Variants in REEP1 observed in about 807,000 individuals in gnomAD.
REEP1 encodes receptor expression-enhancing protein 1.
A neutral mutation model predicts 40.3 loss-of-function variants in REEP1; 22 were observed. The ratio of observed to expected loss-of-function variants is 0.55; its 90% CI spans 0.39 to 0.78. The LOEUF (loss-of-function observed/expected upper bound fraction) is 0.78, where lower values mean the gene tolerates loss of function less well. REEP1 is among the 30% of genes least tolerant of loss of function. The pLI, the probability that REEP1 is intolerant of heterozygous loss-of-function variation, is 0.00. For synonymous variants in REEP1, 116 were observed against 139.2 expected (o/e 0.83, Z 1.17); for missense variants, 280 against 361.1 (o/e 0.78, Z 1.82).
rs139511797 is a variant in REEP1, at chr2:86,217,778, G to A, written c.784-668C>T. On this transcript the variant is annotated intron_variant, in intron 8 of 8. Transcript: ENST00000538924. ...GCTCCTATGAGCATGACCTTTGTGC[G>A]TCTTGTCCACACTCAAAGAATTTCA... 3.5e-3 allele frequency among the ~76,000 whole-genome samples: 521 copies of A among 149,142 alleles called. 12 individuals carry two copies. In the East Asian group the frequency reaches 0.068, roughly 19 times the overall value.
chr2:86,337,683 T>TGGCGGCGGC (rs545000846), upstream of REEP1: 7 of 998,710 alleles, frequency 7.0e-6, no homozygotes, highest in Non-Finnish European at 8.3e-6. The surrounding 1 kb of genome is among the most constrained non-coding windows in gnomAD (Gnocchi z 5.8). Flanking sequence ...CGGCACGTTC[T>TGGCGGCGGC]GGCGGCGGCG....
chr2:86,307,384 T>C (rs948084098), intron 1 of REEP1, among the ~76,000 whole-genome samples: 4 of 152,194 alleles, frequency 2.6e-5, no homozygotes, highest in Non-Finnish European at 5.9e-5. Context: ...CCTTTATTTA[T>C]TTATTGTCCA....
intron 1 of REEP1, among the ~76,000 whole-genome samples, chr2:86,284,718 AC>A (rs1678296164): frequency 6.6e-6 from 1 of 152,126 alleles, no homozygotes; most frequent in Non-Finnish European, 1.5e-5. Context: ...GTACAGCGCT[AC>A]CCAGGAGCTG....
chr2:86,270,154 G>A (rs917000863), intron 2 of REEP1, among the ~76,000 whole-genome samples: 11 of 148,750 alleles, frequency 7.4e-5, no homozygotes, highest in East Asian at 2.0e-4. Context: ...AAAAGGATGC[G>A]TTCAGTATCA....
At chr2:86,323,788 A>C (rs192855342) in intron 1 of REEP1, among the ~76,000 whole-genome samples, 3 of 152,322 alleles carry the variant, frequency 2.0e-5, no homozygotes, top group African/African-American at 7.2e-5. Flanking sequence ...GTACTAACAC[A>C]GCGTGGCACT....
chr2:86,331,503 T>A (rs1172170934), intron 1 of REEP1, among the ~76,000 whole-genome samples: 2 of 150,280 alleles, frequency 1.3e-5, no homozygotes, highest in African/African-American at 2.5e-5. Context: ...GACTTTGAGC[T>A]GTGATCAGTG....
At chr2:86,287,830 CTA>C (rs1678474904) in intron 1 of REEP1, among the ~76,000 whole-genome samples, 1 of 152,080 alleles carries the variant, frequency 6.6e-6, no homozygotes, top group Non-Finnish European at 1.5e-5. Flanking sequence ...ATCATTCTCA[CTA>C]TGTTTTTATT....
chr2:86,245,505 C>T (rs1675888047), intron 5 of REEP1, among the ~76,000 whole-genome samples: 1 of 152,210 alleles, frequency 6.6e-6, no homozygotes, highest in Admixed American at 6.5e-5. Flanking sequence ...TAAACCACTA[C>T]TGCTATAGAT....
Position 86,276,796 on chromosome 2 carries a change from T to A in REEP1, c.105+5374A>T, listed in dbSNP as rs187147492. Among the ~76,000 whole-genome samples the A allele has an allele frequency of 3.0e-3, 457 of 152,324 alleles. 6 individuals carry two copies. The highest frequency in any genetic ancestry group is 0.011 in the African/African-American group (442 of 41,552). On this transcript the variant is annotated intron_variant, in intron 2 of 8. Coordinates refer to ENST00000538924, the MANE Select transcript of REEP1 (RefSeq NM_001371279.1). ...CAAAGTGAGGTCCGTGGACCAGCAC[T>A]GTTGGCATCATCTGGGAGCCTGTTA...
intron 5 of REEP1, among the ~76,000 whole-genome samples, chr2:86,244,056 G>A (rs6715262): frequency 1.3e-5 from 2 of 152,098 alleles, no homozygotes; most frequent in Non-Finnish European, 2.9e-5. Flanking sequence ...ACACAGGGAG[G>A]TTTTATAAAA....
chr2:86,306,913 A>G (rs1679504836), intron 1 of REEP1, among the ~76,000 whole-genome samples: 1 of 152,036 alleles, frequency 6.6e-6, no homozygotes, highest in Admixed American at 6.5e-5. Flanking sequence ...CCTTTTGAAA[A>G]GCCACACCTG....
At chr2:86,257,627 C>T (rs1180122603) in intron 3 of REEP1, among the ~76,000 whole-genome samples, 3 of 147,120 alleles carry the variant, frequency 2.0e-5, no homozygotes, top group Non-Finnish European at 4.5e-5. Flanking sequence ...GGATAGCTAC[C>T]TCACTCATCT....
At chr2:86,269,645 C>T (rs929846299) in intron 2 of REEP1, among the ~76,000 whole-genome samples, 1 of 152,068 alleles carries the variant, frequency 6.6e-6, no homozygotes, top group Non-Finnish European at 1.5e-5. Flanking sequence ...AACTGAATGG[C>T]CCCTTCCTCC....
intron 1 of REEP1, among the ~76,000 whole-genome samples, chr2:86,324,207 A>T (rs937485952): frequency 2.6e-5 from 4 of 152,212 alleles, no homozygotes; most frequent in African/African-American, 9.7e-5. Context: ...ACTATAAAAA[A>T]TGATAAAATA....
intron 1 of REEP1, among the ~76,000 whole-genome samples, chr2:86,286,760 T>C (rs775949704): frequency 3.9e-5 from 6 of 152,202 alleles, no homozygotes; most frequent in Non-Finnish European, 8.8e-5. Context: ...GTGGCACTGC[T>C]GTTGCTGACC....
intron 1 of REEP1, among the ~76,000 whole-genome samples, chr2:86,309,855 G>A (rs550656972): frequency 1.3e-5 from 2 of 152,050 alleles, no homozygotes; most frequent in East Asian, 1.9e-4. Flanking sequence ...ATACGAATTT[G>A]GGGGGGCAAT....
At chr2:86,218,488 C>T (rs1573982675) in intron 8 of REEP1, among the ~76,000 whole-genome samples, 1 of 152,252 alleles carries the variant, frequency 6.6e-6, no homozygotes, top group Admixed American at 6.5e-5. Flanking sequence ...AAATGCTTAC[C>T]AGCCACCTCT....
At position 86,214,167 on chromosome 2, in the gene REEP1, A is replaced by G. The variant is rs1010661770; in HGVS notation, c.*2872T>C. The G allele has an allele frequency of 1.3e-5, 2 of 153,940 alleles. No homozygotes were observed. Among genetic ancestry groups the G allele is most frequent in the Admixed American group, 6.5e-5 (1 of 15,358 alleles). 9.5% of individuals were successfully genotyped at this position (153,940 alleles called of 1,614,324 possible). On this transcript the variant is annotated 3_prime_UTR_variant, in exon 9 of 9. Transcript: ENST00000538924. ...GGACTACAGACATGAACTAGAGGAAATGTGCACAGTCAAAATCCAGAATAT... is the reference window on the plus strand; with the variant it reads ...GGACTACAGACATGAACTAGAGGAAGTGTGCACAGTCAAAATCCAGAATAT...
chr2:86,305,376 C>G (rs558614943), intron 1 of REEP1, among the ~76,000 whole-genome samples: 7 of 152,366 alleles, frequency 4.6e-5, no homozygotes, highest in Admixed American at 4.6e-4. Context: ...GGGCAAGCCC[C>G]TGCACTCTGG....
Sources: gnomAD v4.1 joint callset for allele counts (sites outside exome capture counted in the v4.1 genomes callset) on GRCh38, gnomAD v4.1.1 for gene constraint, Gnocchi (gnomAD v3.1) non-coding constraint, MANE v1.5 for transcripts, NCBI Gene and HGNC (gene_info 2026-07-23, HGNC 2026-07-21) for gene names.